Variants in ATP8A2 observed in about 807,000 individuals in gnomAD.
The protein encoded by ATP8A2 is ATPase phospholipid transporting 8A2, also known as phospholipid-transporting ATPase IB.
In ATP8A2, 100 loss-of-function variants were observed where a neutral mutation model predicts 165.6. The ratio of observed to expected loss-of-function variants is 0.60; its 90% CI spans 0.51 to 0.71. The LOEUF (loss-of-function observed/expected upper bound fraction) is 0.71, where lower values mean the gene tolerates loss of function less well. Among genes scored for constraint, ATP8A2 ranks in the 30% least tolerant of loss-of-function variants. The pLI is 0.00. For synonymous variants in ATP8A2, 543 were observed against 548.8 expected, an observed-to-expected ratio of 0.99 and a Z score of 0.15; for missense variants, 1,227 against 1,479.5, an observed-to-expected ratio of 0.83 and a Z score of 2.80.
At chr13:25,999,631 G>A (rs980759132) in intron 35 of ATP8A2, among the ~76,000 whole-genome samples, 14 of 152,114 alleles carry the variant, frequency 9.2e-5, no homozygotes, top group African/African-American at 1.7e-4. Context: ...GTGTCTGCAC[G>A]GCGAGGTCAC....
chr13:25,738,709 A>G (rs1364180353), intron 25 of ATP8A2, among the ~76,000 whole-genome samples: 1 of 152,268 alleles, frequency 6.6e-6, no homozygotes, highest in Non-Finnish European at 1.5e-5. Flanking sequence ...AATCAAGGGC[A>G]CATGCCACTT....
At chr13:25,865,167 C>A (rs983195978) in intron 33 of ATP8A2, among the ~76,000 whole-genome samples, 1 of 152,060 alleles carries the variant, frequency 6.6e-6, no homozygotes, top group African/African-American at 2.4e-5. Context: ...GGAATTGGCT[C>A]TTTTGGGGAA....
At chr13:25,837,535 C>A in intron 29 of ATP8A2, among the ~76,000 whole-genome samples, 1 of 151,982 alleles carries the variant, frequency 6.6e-6, no homozygotes, top group Non-Finnish European at 1.5e-5. Context: ...TGGGCTGCAA[C>A]CTCCAGTCCC....
intron 24 of ATP8A2, among the ~76,000 whole-genome samples, chr13:25,697,532 C>T (rs548501046): frequency 5.9e-5 from 9 of 152,292 alleles, no homozygotes; most frequent in Admixed American, 1.3e-4. Flanking sequence ...CCACCTGCCT[C>T]GGCCTCCCAG....
chr13:25,907,194 G>A (rs1400619879), intron 33 of ATP8A2, among the ~76,000 whole-genome samples: 4 of 152,076 alleles, frequency 2.6e-5, no homozygotes, highest in African/African-American at 9.7e-5. Context: ...TGTGCTACCC[G>A]TGTGGAGATC....
intron 25 of ATP8A2, among the ~76,000 whole-genome samples, chr13:25,757,637 G>A (rs1000686400): frequency 6.6e-6 from 1 of 151,982 alleles, no homozygotes; most frequent in Non-Finnish European, 1.5e-5. Context: ...TCCCATATTC[G>A]GCTGAGAAGT....
chr13:25,800,903 T>G (rs1388168991), intron 27 of ATP8A2, among the ~76,000 whole-genome samples: 1 of 152,126 alleles, frequency 6.6e-6, no homozygotes, highest in African/African-American at 2.4e-5. Flanking sequence ...GTTGCCCAGT[T>G]CTGTATTAAT....
At chr13:25,924,937 G>A (rs1954558158) in intron 33 of ATP8A2, among the ~76,000 whole-genome samples, 1 of 152,170 alleles carries the variant, frequency 6.6e-6, no homozygotes, top group Non-Finnish European at 1.5e-5. Flanking sequence ...CTTCTGCCAT[G>A]ATTGTGAGGC....
chr13:25,731,787 C>T (rs923672823), intron 25 of ATP8A2, among the ~76,000 whole-genome samples: 3 of 152,206 alleles, frequency 2.0e-5, no homozygotes, highest in African/African-American at 7.2e-5. Flanking sequence ...AAATGGGTCA[C>T]TTAGAACTAG....
intron 35 of ATP8A2, among the ~76,000 whole-genome samples, chr13:26,004,359 C>T (rs1291785703): frequency 6.6e-6 from 1 of 151,980 alleles, no homozygotes; most frequent in Non-Finnish European, 1.5e-5. Flanking sequence ...GTATGTTGAT[C>T]TTGTATCCTG....
intron 9 of ATP8A2, among the ~76,000 whole-genome samples, chr13:25,542,671 C>G (rs1376819875): frequency 6.6e-6 from 1 of 152,026 alleles, no homozygotes; most frequent in Non-Finnish European, 1.5e-5. Flanking sequence ...TTTGACGACC[C>G]AAGGCTTGGA....
intron 24 of ATP8A2, among the ~76,000 whole-genome samples, chr13:25,656,872 G>A (rs569360728): frequency 1.3e-5 from 2 of 151,596 alleles, no homozygotes; most frequent in South Asian, 4.2e-4. Context: ...GGGTAACATG[G>A]TGAAACCCTG....
Position 25,531,526 on chromosome 13 carries a change from TAC to T in ATP8A2, c.421-744_421-743del, listed in dbSNP as rs373363558. On this transcript the variant is annotated intron_variant, in intron 4 of 36. Transcript: ENST00000381655. ...GTCTCTGGATCTTCCTCTCCTCCCTTACATACACACACACCTTGCTTTCACAA... is the reference window on the plus strand; with the variant it reads ...GTCTCTGGATCTTCCTCTCCTCCCTTATACACACACACCTTGCTTTCACAA... Among the ~76,000 whole-genome samples, 93 of 150,350 alleles carry T rather than the reference TAC, an allele frequency of 6.2e-4. No homozygotes were observed. The East Asian group carries it at 0.017, about 28-fold the overall frequency.
In ATP8A2 at chr13:25,469,198, T is replaced by A; in HGVS notation, c.221+77T>A. The A allele has an allele frequency of 3.9e-6, 6 of 1,531,930 alleles. No homozygotes were observed. The South Asian group carries it at 7.2e-5, about 18-fold the overall frequency. 94.9% of individuals were successfully genotyped at this position (1,531,930 alleles called of 1,614,324 possible). A position where few individuals can be genotyped will look rare whatever the true frequency, so the allele number is the denominator to read the frequency against. ...AGGGGCTCGTCCTCCTGCGCGGGGC[T>A]TGGCCGCGCACCTGGCCGGCCCCCG... On this transcript the variant is annotated intron_variant, in intron 2 of 36. Coordinates refer to ENST00000381655, the MANE Select transcript of ATP8A2 (RefSeq NM_016529.6).
In ATP8A2 at chr13:25,591,442, A is replaced by G. The variant is rs532248681; in HGVS notation, c.2211+1743A>G. The G allele has an allele frequency of 1.7e-4, 76 of 449,734 alleles. 1 individual carries two copies. Among genetic ancestry groups the G allele is most frequent in the South Asian group, 1.1e-3 (72 of 63,110 alleles). 27.9% of individuals were successfully genotyped at this position (449,734 alleles called of 1,614,324 possible). On this transcript the variant is annotated intron_variant, in intron 24 of 36. Transcript: ENST00000381655. Reference sequence around the variant, plus strand: ...TTATGACTAGCTCATTTCATGTAACATAATGTCTTCAAGGTTCATCCATAT... The same window carrying G: ...TTATGACTAGCTCATTTCATGTAACGTAATGTCTTCAAGGTTCATCCATAT...
intron 33 of ATP8A2, among the ~76,000 whole-genome samples, chr13:25,918,205 A>G (rs1342941533): frequency 1.3e-5 from 2 of 152,258 alleles, no homozygotes; most frequent in East Asian, 3.8e-4. Flanking sequence ...GGCTTCCAAA[A>G]GCATTCTGAT....
At chr13:25,399,697 C>T (rs1430026827) in intron 1 of ATP8A2, among the ~76,000 whole-genome samples, 4 of 151,642 alleles carry the variant, frequency 2.6e-5, no homozygotes, top group South Asian at 2.1e-4. Flanking sequence ...CCACCGCGCC[C>T]GGCCCGTGGT....
At chr13:25,823,412 C>G (rs1289777048) in intron 27 of ATP8A2, among the ~76,000 whole-genome samples, 1 of 152,036 alleles carries the variant, frequency 6.6e-6, no homozygotes, top group Non-Finnish European at 1.5e-5. Context: ...TTTTTACCCA[C>G]CTGAGCTTTT....
chr13:25,519,344 T>C (rs2137831292), intron 2 of ATP8A2, among the ~76,000 whole-genome samples: 1 of 152,268 alleles, frequency 6.6e-6, no homozygotes, highest in South Asian at 2.1e-4. Flanking sequence ...CCCTGCAGTA[T>C]TCATCACGAT....
Sources: gnomAD v4.1 joint callset for allele counts (sites outside exome capture counted in the v4.1 genomes callset) on GRCh38, gnomAD v4.1.1 for gene constraint, MANE v1.5 for transcripts, NCBI Gene and HGNC (gene_info 2026-07-23, HGNC 2026-07-21) for gene names.